VAV3: variants seen among roughly 807,000 people sequenced by gnomAD.
VAV3 encodes vav guanine nucleotide exchange factor 3, also known as guanine nucleotide exchange factor VAV3.
Under a neutral mutation model 131.2 loss-of-function variants are expected in VAV3, and 94 were observed. The ratio of observed to expected loss-of-function variants is 0.72; its 90% confidence interval spans 0.61 to 0.85. The LOEUF is 0.85. Among genes scored for constraint, VAV3 ranks in the 40% least tolerant of loss-of-function variants. VAV3 has a pLI of 0.00. For missense variants in VAV3, 939 were observed against 1,002.7 expected (o/e 0.94, Z 0.86); for synonymous variants, 349 against 342.0 (o/e 1.02, Z -0.22).
intron 1 of VAV3, among the ~76,000 whole-genome samples, chr1:107,904,535 A>G (rs1020258442): frequency 1.3e-5 from 2 of 152,170 alleles, no homozygotes; most frequent in African/African-American, 2.4e-5. Flanking sequence ...CTTTTTCCAC[A>G]GTCTTCAGAT....
chr1:107,733,102 G>A (rs547945907), intron 15 of VAV3, among the ~76,000 whole-genome samples: 1 of 152,164 alleles, frequency 6.6e-6, no homozygotes, highest in Non-Finnish European at 1.5e-5. Flanking sequence ...ACAGGGTCTG[G>A]AGTGGACCTC....
chr1:107,939,556 G>C (rs539871362), intron 1 of VAV3, among the ~76,000 whole-genome samples: 1 of 152,290 alleles, frequency 6.6e-6, no homozygotes, highest in South Asian at 2.1e-4. Flanking sequence ...TTTGGATATA[G>C]TGTTTTTTGG....
intron 11 of VAV3, among the ~76,000 whole-genome samples, chr1:107,755,715 C>T (rs1371220676): frequency 6.6e-6 from 1 of 152,130 alleles, no homozygotes; most frequent in East Asian, 1.9e-4. Flanking sequence ...GCTGGGAAGA[C>T]TGAAGAGCTG....
intron 17 of VAV3, among the ~76,000 whole-genome samples, chr1:107,693,799 T>C (rs371376934): frequency 1.3e-5 from 2 of 152,092 alleles, no homozygotes; most frequent in East Asian, 1.9e-4. Flanking sequence ...CAAAGGAGCA[T>C]ATAATCTAAC....
At chr1:107,812,432 A>G (rs1016172368) in intron 2 of VAV3, among the ~76,000 whole-genome samples, 9 of 152,036 alleles carry the variant, frequency 5.9e-5, no homozygotes, top group African/African-American at 1.2e-4. Context: ...AGTTTTATTT[A>G]TTATCATTTT....
intron 1 of VAV3, among the ~76,000 whole-genome samples, chr1:107,884,846 C>A (rs1437938990): frequency 1.3e-5 from 2 of 151,940 alleles, no homozygotes; most frequent in Non-Finnish European, 2.9e-5. Context: ...CTACTTAGGG[C>A]ATGGAAAATA....
chr1:107,770,760 T>C (rs1019631963), intron 5 of VAV3, 32 bp from the exon 6 acceptor site: 2 of 1,543,158 alleles, frequency 1.3e-6, no homozygotes, highest in East Asian at 2.3e-5. Flanking sequence ...TAAAATGATT[T>C]AATAAAATCA....
chr1:107,763,782 T>A (rs899528943), intron 9 of VAV3, among the ~76,000 whole-genome samples: 4 of 152,200 alleles, frequency 2.6e-5, no homozygotes, highest in South Asian at 2.1e-4. Flanking sequence ...ATAGTTTCCC[T>A]TTGTGGGAGT....
chr1:107,769,946 C>T (rs1323550122), intron 6 of VAV3, among the ~76,000 whole-genome samples: 1 of 152,166 alleles, frequency 6.6e-6, no homozygotes, highest in Admixed American at 6.5e-5. Flanking sequence ...CTCTTAGTTA[C>T]CACTCTTGCC....
At chr1:107,594,588 C>CT (rs941703990) in intron 25 of VAV3, among the ~76,000 whole-genome samples, 11 of 151,842 alleles carry the variant, frequency 7.2e-5, no homozygotes, top group East Asian at 1.9e-4. Context: ...ACTGGCTATG[C>CT]TTTTTTTTAA....
chr1:107,632,703 T>A (rs1416062869), intron 20 of VAV3, among the ~76,000 whole-genome samples: 1 of 152,196 alleles, frequency 6.6e-6, no homozygotes, highest in Admixed American at 6.5e-5. Context: ...GTCAAACCAA[T>A]GATAGGAACT....
chr1:107,888,821 A>G (rs1671162826), intron 1 of VAV3, among the ~76,000 whole-genome samples: 1 of 152,130 alleles, frequency 6.6e-6, no homozygotes. Context: ...TCTCTGTACT[A>G]AATTACATTC....
chr1:107,839,817 C>T (rs531906671), intron 2 of VAV3, among the ~76,000 whole-genome samples: 86 of 152,102 alleles, frequency 5.7e-4, no homozygotes, highest in African/African-American at 2.0e-3. Context: ...ACACAAATTG[C>T]TAATATCAGA....
At chr1:107,660,508 T>A (rs903689780) in intron 19 of VAV3, among the ~76,000 whole-genome samples, 1 of 152,206 alleles carries the variant, frequency 6.6e-6, no homozygotes, top group African/African-American at 2.4e-5. Context: ...GGCAGACCAC[T>A]GGCCTTATAG....
At position 107,709,093 on chromosome 1, in the gene VAV3, C is replaced by T. The variant is rs183365825; in HGVS notation, c.1503-4032G>A. Among the ~76,000 whole-genome samples, 394 of 152,190 alleles carry T rather than the reference C, an allele frequency of 2.6e-3. 1 individual carries two copies. The highest frequency in any genetic ancestry group is 8.8e-3 in the African/African-American group (365 of 41,508). On this transcript the variant is annotated intron_variant, in intron 15 of 26. Transcript: ENST00000370056. ...CAATGCTGAAATTCAGATACGTCAG[C>T]CTCCATAACACTTTATGTAACATCT... is the stretch of plus-strand genomic sequence containing the variant.
chr1:107,600,078 G>C (rs1474028706), intron 24 of VAV3, among the ~76,000 whole-genome samples: 2 of 151,868 alleles, frequency 1.3e-5, no homozygotes, highest in African/African-American at 2.4e-5. Context: ...TCCCAGCCTA[G>C]GTTCCAAGGA....
intron 1 of VAV3, among the ~76,000 whole-genome samples, chr1:107,894,572 G>A (rs183655825): frequency 3.3e-4 from 50 of 152,200 alleles, no homozygotes; most frequent in Admixed American, 2.6e-3. Context: ...TTGGCAGGCA[G>A]CTCCCAAAAA....
intron 1 of VAV3, among the ~76,000 whole-genome samples, chr1:107,907,067 C>T (rs956799749): frequency 1.3e-5 from 2 of 152,156 alleles, no homozygotes; most frequent in African/African-American, 4.8e-5. Flanking sequence ...ATCTCCACAA[C>T]AACTTTCTGG....
chr1:107,683,471 T>G lies in VAV3; in HGVS notation c.1777+17A>C. On this transcript the variant is annotated intron_variant, in intron 19 of 26. Coordinates refer to ENST00000370056, the MANE Select transcript of VAV3 (RefSeq NM_006113.5). ...TAGCTGAAGCCATAATTATGGAAGG[T>G]TTAATCAGAAACACACCTGGATCCA... The G allele has an allele frequency of 1.9e-6, 3 of 1,613,826 alleles. No homozygotes were observed. The highest frequency in any genetic ancestry group is 2.5e-6 in the Non-Finnish European group (3 of 1,179,770).
Sources: allele counts gnomAD v4.1 joint callset (sites outside exome capture counted in the v4.1 genomes callset), GRCh38; gene constraint gnomAD v4.1.1; transcripts MANE v1.5; gene names NCBI Gene and HGNC (gene_info 2026-07-23, HGNC 2026-07-21).